The following SCAMP1 variants were observed in gnomAD, a reference collection of about 807,000 sequenced individuals.
SCAMP1 encodes secretory carrier-associated membrane protein 1.
Under a neutral mutation model 41.8 loss-of-function variants are expected in SCAMP1, and 15 were observed. That is an observed-to-expected ratio of 0.36 (90% CI 0.24 to 0.55). The LOEUF (loss-of-function observed/expected upper bound fraction) is 0.55. SCAMP1 is among the 20% of genes least tolerant of loss of function. The probability of loss-of-function intolerance (pLI) is 0.86; values close to 1 mark genes in which losing one functional copy is unlikely to be tolerated. For missense variants in SCAMP1, 341 were observed against 412.6 expected (o/e 0.83, Z 1.50); for synonymous variants, 135 against 136.8 (o/e 0.99, Z 0.09).
chr5:78,391,237 A>T (rs1314129858), intron 2 of SCAMP1, among the ~76,000 whole-genome samples: 1 of 150,670 alleles, frequency 6.6e-6, no homozygotes, highest in Non-Finnish European at 1.5e-5. Context: ...GGCCGGGCAG[A>T]GGCGCCCCTC....
intron 2 of SCAMP1, among the ~76,000 whole-genome samples, chr5:78,402,927 A>T (rs1454029347): frequency 6.6e-6 from 1 of 152,062 alleles, no homozygotes; most frequent in Non-Finnish European, 1.5e-5. Context: ...GCTGGAGTGC[A>T]GTGGCTCAAT....
chr5:78,385,354 A>G (rs1176462259), intron 1 of SCAMP1, among the ~76,000 whole-genome samples: 1 of 151,792 alleles, frequency 6.6e-6, no homozygotes, highest in African/African-American at 2.4e-5. Flanking sequence ...CTTGGTTAAT[A>G]TTGCTAATGG....
intron 8 of SCAMP1, among the ~76,000 whole-genome samples, chr5:78,470,326 TA>T (rs1379751182): frequency 6.6e-6 from 1 of 152,166 alleles, no homozygotes; most frequent in Non-Finnish European, 1.5e-5. Flanking sequence ...CATTAAGCAA[TA>T]ATTTTATTCC....
chr5:78,371,834 A>G (rs1236573851), intron 1 of SCAMP1, among the ~76,000 whole-genome samples: 1 of 152,230 alleles, frequency 6.6e-6, no homozygotes, highest in African/African-American at 2.4e-5. Context: ...GCATTTAAGC[A>G]GAAACACTGG....
At chr5:78,449,436 A>G (rs543223967) in intron 6 of SCAMP1, among the ~76,000 whole-genome samples, 16 of 152,338 alleles carry the variant, frequency 1.1e-4, no homozygotes, top group African/African-American at 3.1e-4. Context: ...ATAAAATTCT[A>G]TAAAATAGTC....
At chr5:78,416,286 C>G (rs1752206411) in intron 3 of SCAMP1, among the ~76,000 whole-genome samples, 1 of 152,144 alleles carries the variant, frequency 6.6e-6, no homozygotes, top group Non-Finnish European at 1.5e-5. Flanking sequence ...AAGATTGTGA[C>G]TACTTTTACT....
At chr5:78,445,901 G>A (rs1025825383) in intron 6 of SCAMP1, among the ~76,000 whole-genome samples, 1 of 152,218 alleles carries the variant, frequency 6.6e-6, no homozygotes, top group Non-Finnish European at 1.5e-5. Flanking sequence ...TAAGTGCTGG[G>A]ATATGGAGTT....
rs574874867 is a variant in SCAMP1, at chr5:78,474,458, C to T, written c.853-1046C>T. Reference sequence around the variant, plus strand: ...CAAATGTTTAGAACTTATCATCTGCCTTCTCCCCAAACCAGCCTATCCTCT... The same window carrying T: ...CAAATGTTTAGAACTTATCATCTGCTTTCTCCCCAAACCAGCCTATCCTCT... On this transcript the variant is annotated intron_variant, in intron 8 of 8. Coordinates refer to ENST00000621999, the MANE Select transcript of SCAMP1 (RefSeq NM_004866.6). Among the ~76,000 whole-genome samples, 24 of 152,284 alleles carry T rather than the reference C, an allele frequency of 1.6e-4. No individual in the cohort carries two copies. The South Asian group carries it at 2.3e-3, about 14-fold the overall frequency.
At chr5:78,379,181 G>A (rs1751138116) in intron 1 of SCAMP1, among the ~76,000 whole-genome samples, 1 of 152,168 alleles carries the variant, frequency 6.6e-6, no homozygotes, top group South Asian at 2.1e-4. Flanking sequence ...TCCTGACCTT[G>A]TTTAAGGCCA....
At chr5:78,466,753 G>A (rs919487739) in intron 8 of SCAMP1, among the ~76,000 whole-genome samples, 7 of 152,166 alleles carry the variant, frequency 4.6e-5, no homozygotes, top group Non-Finnish European at 1.0e-4. Context: ...GATTAGATTT[G>A]AATTTTAGAA....
At chr5:78,419,007 T>C in intron 5 of SCAMP1, 104 bp downstream of exon 5, 1 of 943,354 alleles carries the variant, frequency 1.1e-6, no homozygotes, top group South Asian at 1.6e-5. Context: ...CTTCTTTTTC[T>C]ATAGATAAAG....
chr5:78,460,789 CT>C (rs1561287073), intron 8 of SCAMP1, among the ~76,000 whole-genome samples: 9 of 45,808 alleles, frequency 2.0e-4, no homozygotes, highest in Admixed American at 1.3e-3. Flanking sequence ...TCCTTCCTTC[CT>C]TCCTTCCTTC....
rs148996254 is a variant in SCAMP1, at chr5:78,417,295, A to G, written c.343+646A>G. On this transcript the variant is annotated intron_variant, in intron 4 of 8. Transcript: ENST00000621999. ...AATGCAAAGCTAGAACAATAACAAT[A>G]TACAGAACTATTTCTTTTTAACTTA... is the stretch of plus-strand genomic sequence containing the variant. Among the ~76,000 whole-genome samples, 67 of 152,380 alleles carry G rather than the reference A, an allele frequency of 4.4e-4. 1 individual carries two copies. Among genetic ancestry groups the G allele is most frequent in the African/African-American group, 1.6e-3 (65 of 41,600 alleles).
intron 1 of SCAMP1, among the ~76,000 whole-genome samples, chr5:78,374,945 T>A (rs1239147075): frequency 6.6e-6 from 1 of 152,030 alleles, no homozygotes; most frequent in Non-Finnish European, 1.5e-5. Context: ...TGTCTTAGAG[T>A]CTTGTTGAGA....
intron 6 of SCAMP1, among the ~76,000 whole-genome samples, chr5:78,431,388 ATTAAG>A (rs1752618728): frequency 6.6e-6 from 1 of 151,728 alleles, no homozygotes; most frequent in Non-Finnish European, 1.5e-5. Flanking sequence ...AAGTCTATAT[ATTAAG>A]TTGACAGTCT....
chr5:78,480,602 C>A lies in SCAMP1; in HGVS notation c.*4934C>A, dbSNP rs2112269649. Among the ~76,000 whole-genome samples the A allele has an allele frequency of 6.6e-6, 1 of 152,240 alleles. No homozygotes were observed. Among genetic ancestry groups the A allele is most frequent in the Non-Finnish European group, 1.5e-5 (1 of 68,014 alleles). ...ATCTACAGTATTCTAGTCTCCTGCA[C>A]AAAAACTGAACCCACTGGGCCTATG... On this transcript the variant is annotated 3_prime_UTR_variant, in exon 9 of 9. Transcript: ENST00000621999.
chr5:78,393,813 T>C (rs1751577881), intron 2 of SCAMP1, among the ~76,000 whole-genome samples: 1 of 138,848 alleles, frequency 7.2e-6, no homozygotes, highest in South Asian at 2.6e-4. Flanking sequence ...GTTTTTCTTT[T>C]CAATTAAGTA....
chr5:78,444,027 A>T (rs1446194634), intron 6 of SCAMP1, among the ~76,000 whole-genome samples: 1 of 152,138 alleles, frequency 6.6e-6, no homozygotes, highest in Non-Finnish European at 1.5e-5. Context: ...AAAAACACAT[A>T]TGCAAATTTT....
At chr5:78,457,641 T>C (rs917458586) in intron 7 of SCAMP1, among the ~76,000 whole-genome samples, 1 of 152,240 alleles carries the variant, frequency 6.6e-6, no homozygotes, top group African/African-American at 2.4e-5. Context: ...ACTTTTTGTT[T>C]GTCTGTGCCC....
Sources: allele counts gnomAD v4.1 joint callset (sites outside exome capture counted in the v4.1 genomes callset), GRCh38; gene constraint gnomAD v4.1.1; transcripts MANE v1.5; gene names NCBI Gene and HGNC (gene_info 2026-07-23, HGNC 2026-07-21).